ASF1A: variants seen among roughly 807,000 people sequenced by gnomAD.
ASF1A encodes the protein histone chaperone ASF1A.
A neutral mutation model predicts 22.0 loss-of-function variants in ASF1A; 5 were observed. That is an observed-to-expected ratio of 0.23 (90% CI 0.12 to 0.48). The LOEUF (loss-of-function observed/expected upper bound fraction) is 0.48. Among genes scored for constraint, ASF1A ranks in the 20% least tolerant of loss-of-function variants. ASF1A has a pLI of 0.99. For synonymous variants in ASF1A, 97 were observed against 86.7 expected, an observed-to-expected ratio of 1.12 and a Z score of -0.66; for missense variants, 137 against 240.6, an observed-to-expected ratio of 0.57 and a Z score of 2.85.
At chr6:118,896,220 T>C (rs1467006377) in intron 1 of ASF1A, among the ~76,000 whole-genome samples, 4 of 152,158 alleles carry the variant, frequency 2.6e-5, no homozygotes, top group Non-Finnish European at 5.9e-5. Flanking sequence ...ACTATTAATA[T>C]AAGCATTGCA....
At chr6:118,896,047 T>G (rs11964327) in intron 1 of ASF1A, among the ~76,000 whole-genome samples, 13 of 148,638 alleles carry the variant, frequency 8.7e-5, no homozygotes, top group African/African-American at 1.6e-4. Context: ...CCCCGTTTTT[T>G]TTTTTTTTTT....
chr6:118,907,324 T>C lies in ASF1A; in HGVS notation c.403-78T>C, dbSNP rs534655741. 1.5e-5 allele frequency: 16 copies of C among 1,067,138 alleles called. No homozygotes were observed. In the East Asian group the frequency reaches 3.4e-4, roughly 22 times the overall value. 66.1% of individuals were successfully genotyped at this position (1,067,138 alleles called of 1,614,324 possible). On this transcript the variant is annotated intron_variant, in intron 3 of 3. Coordinates refer to ENST00000229595, the MANE Select transcript of ASF1A (RefSeq NM_014034.3). ...CCTTTAGGAGTACTAACATGAACCA[T>C]TTTATTAAGCTTCTATTTGTATATG... is the stretch of plus-strand genomic sequence containing the variant.
chr6:118,896,418 A>G (rs1227012729), intron 1 of ASF1A, among the ~76,000 whole-genome samples: 1 of 152,194 alleles, frequency 6.6e-6, no homozygotes, highest in African/African-American at 2.4e-5. Flanking sequence ...TTTAGGAGTC[A>G]GCTCTGAACA....
chr6:118,894,153 G>C lies in ASF1A; in HGVS notation c.-261G>C. The stretch of plus-strand genomic sequence containing the variant: ...GGCCCTCGCTGGAGGAGGAGGGTCA[G>C]AACTCGGGTGCAGCCAATCGAGGGC... On this transcript the variant is annotated 5_prime_UTR_variant, in exon 1 of 4. Coordinates refer to ENST00000229595, the MANE Select transcript of ASF1A (RefSeq NM_014034.3). 2 of 1,255,516 alleles carry C rather than the reference G, an allele frequency of 1.6e-6. No individual in the cohort carries two copies. Among genetic ancestry groups the C allele is most frequent in the South Asian group, 4.3e-5 (2 of 46,826 alleles). The allele number at this position is 1,255,516 out of a possible 1,614,324, so 77.8% of individuals were successfully genotyped here.
At chr6:118,904,995 G>A (rs1299000115) in intron 2 of ASF1A, among the ~76,000 whole-genome samples, 2 of 152,102 alleles carry the variant, frequency 1.3e-5, no homozygotes, top group African/African-American at 4.8e-5. Flanking sequence ...CCGCCACCAT[G>A]CCCAGCTAAT....
chr6:118,897,408 C>A (rs1455782397), intron 1 of ASF1A, among the ~76,000 whole-genome samples: 1 of 152,034 alleles, frequency 6.6e-6, no homozygotes, highest in African/African-American at 2.4e-5. Context: ...CAAGACTGTA[C>A]AAGTTTTGAT....
intron 1 of ASF1A, among the ~76,000 whole-genome samples, chr6:118,900,181 G>A (rs1047374566): frequency 7.9e-5 from 12 of 152,156 alleles, no homozygotes; most frequent in African/African-American, 2.9e-4. Context: ...GGTGCCGTAA[G>A]GGAAAAACCC....
At position 118,907,860 on chromosome 6, in the gene ASF1A, A is replaced by C; in HGVS notation, c.*246A>C. 1 of 361,508 alleles carries C rather than the reference A, an allele frequency of 2.8e-6. No individual in the cohort carries two copies. The allele number at this position is 361,508 out of a possible 1,614,324, so 22.4% of individuals were successfully genotyped here. A position where few individuals can be genotyped will look rare whatever the true frequency, so the allele number is the denominator to read the frequency against. ...AAACTAATCTGATTAAAGCATATAT[A>C]TTATTTTCTTCTCCTTTATATGTAA... On this transcript the variant is annotated 3_prime_UTR_variant, in exon 4 of 4. Transcript: ENST00000229595.
intron 1 of ASF1A, 72 bp from the exon 2 acceptor site, chr6:118,900,694 A>G: frequency 1.8e-6 from 2 of 1,107,192 alleles, no homozygotes; most frequent in African/African-American, 3.1e-5. Flanking sequence ...AGTGGACATT[A>G]AAAGGGTCTT....
chr6:118,904,587 T>C (rs1780043738), intron 2 of ASF1A, among the ~76,000 whole-genome samples: 1 of 152,224 alleles, frequency 6.6e-6, no homozygotes, highest in African/African-American at 2.4e-5. Context: ...GCCCTGCCCT[T>C]CGCTCATGCT....
Position 118,907,670 on chromosome 6 carries a change from C to G in ASF1A, c.*56C>G. 1 of 1,372,742 alleles carries G rather than the reference C, an allele frequency of 7.3e-7. No individual in the cohort carries two copies. Among genetic ancestry groups the G allele is most frequent in the Non-Finnish European group, 1.0e-6 (1 of 972,694 alleles). The allele number at this position is 1,372,742 out of a possible 1,614,324, so 85.0% of individuals were successfully genotyped here. On this transcript the variant is annotated 3_prime_UTR_variant, in exon 4 of 4. Transcript: ENST00000229595. ...CTATTAAAAATACACAGAACTATTT[C>G]CCTGAAATTCCGTAAGTACATAGTC...
intron 1 of ASF1A, among the ~76,000 whole-genome samples, chr6:118,896,814 G>C (rs963264356): frequency 6.8e-6 from 1 of 147,136 alleles, no homozygotes; most frequent in East Asian, 2.0e-4. Context: ...TAAAAATTCT[G>C]TTCTTAAAAT....
intron 1 of ASF1A, among the ~76,000 whole-genome samples, chr6:118,896,675 G>C (rs948298027): frequency 1.3e-5 from 2 of 152,054 alleles, no homozygotes; most frequent in African/African-American, 4.8e-5. Context: ...GAGTCATACT[G>C]AAGCTGCAAA....
At position 118,906,246 on chromosome 6, in the gene ASF1A, T is replaced by C. The variant is rs547108530; in HGVS notation, c.402+418T>C. Among the ~76,000 whole-genome samples, 4 of 152,280 alleles carry C rather than the reference T, an allele frequency of 2.6e-5. No homozygotes were observed. In the South Asian group the frequency reaches 8.3e-4, roughly 32 times the overall value. On this transcript the variant is annotated intron_variant, in intron 3 of 3. Coordinates refer to ENST00000229595, the MANE Select transcript of ASF1A (RefSeq NM_014034.3). ...TACCAACACGCCCAGATAATTTTTG[T>C]ATTTTTAGTAGAGGTGGAGTTTCAC...
chr6:118,902,615 G>A (rs1426990211), intron 2 of ASF1A, among the ~76,000 whole-genome samples: 2 of 132,812 alleles, frequency 1.5e-5, no homozygotes, highest in African/African-American at 2.9e-5. Flanking sequence ...TTTTGTGTTT[G>A]TTATTAAGCA....
chr6:118,906,749 A>G (rs1780205273), intron 3 of ASF1A, among the ~76,000 whole-genome samples: 1 of 152,200 alleles, frequency 6.6e-6, no homozygotes, highest in Non-Finnish European at 1.5e-5. Context: ...GGGAACTATA[A>G]CAGTTTGGTA....
At position 118,907,763 on chromosome 6, in the gene ASF1A, A is replaced by G. The variant is rs771966125; in HGVS notation, c.*149A>G. The G allele has an allele frequency of 3.2e-4, 193 of 607,136 alleles. 1 individual carries two copies. Among genetic ancestry groups the G allele is most frequent in the Middle Eastern group, 2.1e-3 (5 of 2,386 alleles). 37.6% of individuals were successfully genotyped at this position (607,136 alleles called of 1,614,324 possible). ...AGTTTATAAGAAAACCAGTATTTGA[A>G]CAAATTGTGGAATATAAATACAACT... On this transcript the variant is annotated 3_prime_UTR_variant, in exon 4 of 4. Transcript: ENST00000229595.
chr6:118,895,099 C>T (rs1481739433), intron 1 of ASF1A, among the ~76,000 whole-genome samples: 3 of 152,180 alleles, frequency 2.0e-5, no homozygotes, highest in Non-Finnish European at 2.9e-5. Context: ...CTGGCCATGC[C>T]TGGCCGCTTC....
chr6:118,908,105 A>C lies in ASF1A; in HGVS notation c.*491A>C, dbSNP rs1273167386. 3.3e-5 allele frequency: 5 copies of C among 153,694 alleles called. No homozygotes were observed. Among genetic ancestry groups the C allele is most frequent in the African/African-American group, 1.2e-4 (5 of 41,470 alleles). 9.5% of individuals were successfully genotyped at this position (153,694 alleles called of 1,614,324 possible). A position where few individuals can be genotyped will look rare whatever the true frequency, so the allele number is the denominator to read the frequency against. ...TCCTTAAAAAGAGGATTTGAAATCAACTATATGCTACCAAGAACTTTAGGA... is the reference window on the plus strand; with the variant it reads ...TCCTTAAAAAGAGGATTTGAAATCACCTATATGCTACCAAGAACTTTAGGA... On this transcript the variant is annotated 3_prime_UTR_variant, in exon 4 of 4. Coordinates refer to ENST00000229595, the MANE Select transcript of ASF1A (RefSeq NM_014034.3).
Sources: allele counts gnomAD v4.1 joint callset (sites outside exome capture counted in the v4.1 genomes callset), GRCh38; gene constraint gnomAD v4.1.1; transcripts MANE v1.5; gene names NCBI Gene and HGNC (gene_info 2026-07-23, HGNC 2026-07-21).